FBXO7: variants seen among roughly 807,000 people sequenced by gnomAD.
FBXO7 encodes the protein F-box only protein 7.
In FBXO7, 31 loss-of-function variants were observed where a neutral mutation model predicts 50.2. The observed-to-expected ratio is 0.62, with a 90% CI of 0.46 to 0.83. The LOEUF is 0.83. Among genes scored for constraint, FBXO7 ranks in the 40% least tolerant of loss-of-function variants. The pLI, the probability that FBXO7 is intolerant of heterozygous loss-of-function variation, is 0.00. For missense variants in FBXO7, 667 were observed against 646.6 expected (o/e 1.03, Z -0.34); for synonymous variants, 256 against 253.1 (o/e 1.01, Z -0.11).
chr22:32,475,826 C>A (rs1165489494), intron 1 of FBXO7: 1 of 162,222 alleles, frequency 6.2e-6, no homozygotes, highest in African/African-American at 2.4e-5. Flanking sequence ...ATCTTGAGAG[C>A]TTGCAGTTTG....
intron 1 of FBXO7, among the ~76,000 whole-genome samples, chr22:32,477,088 T>C (rs1359130656): frequency 1.3e-5 from 2 of 152,226 alleles, no homozygotes; most frequent in East Asian, 1.9e-4. Flanking sequence ...GTGGTGTTTT[T>C]GTGGGCAAAT....
At chr22:32,485,628 C>G (rs947201245) in intron 4 of FBXO7, among the ~76,000 whole-genome samples, 1 of 152,048 alleles carries the variant, frequency 6.6e-6, no homozygotes. Flanking sequence ...GGAGCTAGAC[C>G]TGGGGTCACC....
At chr22:32,485,913 A>G (rs965049522) in intron 4 of FBXO7, among the ~76,000 whole-genome samples, 1 of 152,188 alleles carries the variant, frequency 6.6e-6, no homozygotes, top group Non-Finnish European at 1.5e-5. Flanking sequence ...TTGAATGACT[A>G]GGAGCTTTCA....
At chr22:32,476,943 G>A (rs568211220) in intron 1 of FBXO7, among the ~76,000 whole-genome samples, 8 of 152,264 alleles carry the variant, frequency 5.3e-5, no homozygotes, top group African/African-American at 1.9e-4. Context: ...AGCGGACCAT[G>A]ACCTTTTCTG....
intron 4 of FBXO7, among the ~76,000 whole-genome samples, chr22:32,485,993 G>A (rs1043865351): frequency 6.6e-6 from 1 of 152,086 alleles, no homozygotes; most frequent in African/African-American, 2.4e-5. Context: ...GATTGGGAGG[G>A]CTGCGTTTGT....
At chr22:32,484,227 A>G in intron 3 of FBXO7, 103 bp downstream of exon 3, 1 of 952,680 alleles carries the variant, frequency 1.0e-6, no homozygotes, top group African/African-American at 1.6e-5. Flanking sequence ...GAGAGAGACA[A>G]AAATATAAAG....
intron 4 of FBXO7, 120 bp from the exon 5 acceptor site, chr22:32,487,621 AGTTT>A: frequency 1.5e-6 from 1 of 676,196 alleles, no homozygotes; most frequent in South Asian, 1.7e-5. Flanking sequence ...GGCGAAGAAC[AGTTT>A]GTTTTGTATA....
At chr22:32,480,582 G>A (rs1322874064) in intron 2 of FBXO7, among the ~76,000 whole-genome samples, 1 of 151,760 alleles carries the variant, frequency 6.6e-6, no homozygotes, top group Non-Finnish European at 1.5e-5. Flanking sequence ...CTAAGCCCTT[G>A]CCAACCATAG....
Position 32,487,728 on chromosome 22 carries a change from C to A in FBXO7, c.788-17C>A. Reference sequence around the variant, plus strand: ...AGTGACAGAATTCTTTATCATCTTTCTTTTGTTTATTTACAGCTACACTAA... The same window carrying A: ...AGTGACAGAATTCTTTATCATCTTTATTTTGTTTATTTACAGCTACACTAA... On this transcript the variant is annotated splice_polypyrimidine_tract_variant and intron_variant, in intron 4 of 8. Coordinates refer to ENST00000266087, the MANE Select transcript of FBXO7 (RefSeq NM_012179.4). 6.5e-7 allele frequency: 1 copy of A among 1,544,346 alleles called. No homozygotes were observed. Among genetic ancestry groups the A allele is most frequent in the Non-Finnish European group, 8.9e-7 (1 of 1,118,594 alleles).
At position 32,474,990 on chromosome 22, in the gene FBXO7, G is replaced by A; in HGVS notation, c.-13G>A. On this transcript the variant is annotated 5_prime_UTR_variant, in exon 1 of 9. Transcript: ENST00000266087. Reference sequence around the variant, plus strand: ...CTTCCGGGTCCAGGCCCCTCGGGCCGCCTGCCGCCGTCATGAGGCTGCGGG... The same window carrying A: ...CTTCCGGGTCCAGGCCCCTCGGGCCACCTGCCGCCGTCATGAGGCTGCGGG... 6.5e-7 allele frequency: 1 copy of A among 1,531,724 alleles called. No homozygotes were observed. Among genetic ancestry groups the A allele is most frequent in the East Asian group, 2.5e-5 (1 of 40,110 alleles). 94.9% of individuals were successfully genotyped at this position (1,531,724 alleles called of 1,614,324 possible).
intron 1 of FBXO7, chr22:32,475,376 CG>C: frequency 6.2e-7 from 1 of 1,610,946 alleles, no homozygotes; most frequent in South Asian, 1.1e-5. Flanking sequence ...CCCGGCCTCC[CG>C]GGGGCTCTGG....
In FBXO7 at chr22:32,479,013, A is replaced by G. The variant is rs550610502; in HGVS notation, c.155A>G (p.Tyr52Cys). The change falls in exon 2 of 9, where the codon TAC becomes TGC. Residue 52 changes from tyrosine to cysteine, a missense_variant. By Grantham distance (194) the Tyr-to-Cys change is radical (BLOSUM62 -2). Transcript: ENST00000266087. ...ACCCGATTTACAATTACATTGAACTACAAGGATCCCCTCACTGGAGATGAA... is the reference window on the plus strand; with the variant it reads ...ACCCGATTTACAATTACATTGAACTGCAAGGATCCCCTCACTGGAGATGAA... ...SNTRFTITLN[Y>C]KDPLTGDEET... 1.4e-4 allele frequency: 227 copies of G among 1,614,228 alleles called. No homozygotes were observed. In the East Asian group the frequency reaches 3.4e-3, roughly 24 times the overall value.
Position 32,474,852 on chromosome 22 carries a change from G to A in FBXO7, c.-151G>A, listed in dbSNP as rs979810813. 2.4e-5 allele frequency: 18 copies of A among 743,972 alleles called. No individual in the cohort carries two copies. The African/African-American group carries it at 3.4e-4, about 14-fold the overall frequency. 46.1% of individuals were successfully genotyped at this position (743,972 alleles called of 1,614,324 possible). A position where few individuals can be genotyped will look rare whatever the true frequency, so the allele number is the denominator to read the frequency against. On this transcript the variant is annotated 5_prime_UTR_variant, in exon 1 of 9. Transcript: ENST00000266087. ...CGAGTGGCAGGGCGGCCACTGTGGC[G>A]GGGCTCTTTCCCCGTTTCGCCTCAG... is the stretch of plus-strand genomic sequence containing the variant.
chr22:32,480,950 G>A (rs2145990323), intron 2 of FBXO7, among the ~76,000 whole-genome samples: 1 of 152,308 alleles, frequency 6.6e-6, no homozygotes, highest in Admixed American at 6.5e-5. Context: ...ACAGATGTGA[G>A]CCACCGTGCC....
In FBXO7 at chr22:32,480,254, C is replaced by T. The variant is rs192450633; in HGVS notation, c.417+979C>T. ...TTGAGCTGAAAAAGACAATATATCT[C>T]TAGTTCAACCCTGTCATTTTACAGA... On this transcript the variant is annotated intron_variant, in intron 2 of 8. Coordinates refer to ENST00000266087, the MANE Select transcript of FBXO7 (RefSeq NM_012179.4). Among the ~76,000 whole-genome samples the T allele has an allele frequency of 1.4e-4, 21 of 152,318 alleles. No individual in the cohort carries two copies. In the East Asian group the frequency reaches 4.0e-3, roughly 29 times the overall value.
Position 32,493,176 on chromosome 22 carries a change from C to G in FBXO7, c.1039C>G (p.Leu347Val), listed in dbSNP as rs1285818957. ...LELKLRIFRL[L>V]DVRSVLSLSA... ...ACTGAAACTACGGATCTTCCGACTTCTGGATGTTCGTTCCGTCTTGTCTTT... is the reference window on the plus strand; with the variant it reads ...ACTGAAACTACGGATCTTCCGACTTGTGGATGTTCGTTCCGTCTTGTCTTT... Residue 347 changes from leucine to valine, a missense_variant, in exon 7 of 9, where the codon CTG (leucine) becomes GTG (valine). By Grantham distance (32) the Leu-to-Val change is conservative. Coordinates refer to ENST00000266087, the MANE Select transcript of FBXO7 (RefSeq NM_012179.4). The G allele has an allele frequency of 6.2e-7, 1 of 1,614,078 alleles. No individual in the cohort carries two copies. Among genetic ancestry groups the G allele is most frequent in the African/African-American group, 1.3e-5 (1 of 74,924 alleles).
chr22:32,495,936 G>A (rs1201340170), intron 8 of FBXO7, among the ~76,000 whole-genome samples: 4 of 152,216 alleles, frequency 2.6e-5, no homozygotes, highest in Admixed American at 6.5e-5. Context: ...TGATGGAAAA[G>A]CTGCTGCAAG....
At chr22:32,480,588 C>G (rs1221107400) in intron 2 of FBXO7, among the ~76,000 whole-genome samples, 2 of 152,124 alleles carry the variant, frequency 1.3e-5, no homozygotes, top group African/African-American at 4.8e-5. Context: ...CCTTGCCAAC[C>G]ATAGCCCAAT....
chr22:32,476,860 G>A (rs2057432203), intron 1 of FBXO7, among the ~76,000 whole-genome samples: 1 of 152,158 alleles, frequency 6.6e-6, no homozygotes, highest in Non-Finnish European at 1.5e-5. Flanking sequence ...TAGAATCCTG[G>A]AAAACTATAT....
Sources: allele counts gnomAD v4.1 joint callset (sites outside exome capture counted in the v4.1 genomes callset), GRCh38; gene constraint gnomAD v4.1.1; transcripts MANE v1.5; gene names NCBI Gene and HGNC (gene_info 2026-07-23, HGNC 2026-07-21).